The following REPS2 variants were observed in gnomAD, a reference collection of about 807,000 sequenced individuals.
REPS2 encodes RALBP1 associated Eps domain containing 2, also known as ralBP1-associated Eps domain-containing protein 2.
A neutral mutation model predicts 53.6 loss-of-function variants in REPS2; 23 were observed. That is an observed-to-expected ratio of 0.43 (90% CI 0.31 to 0.61). REPS2 has a LOEUF of 0.61. Ranked by LOEUF, REPS2 falls within the 20% of genes least tolerant of loss-of-function variation. REPS2 has a pLI of 0.11. For missense variants in REPS2, 446 were observed against 534.9 expected (o/e 0.83, Z 1.64); for synonymous variants, 238 against 218.6 (o/e 1.09, Z -0.78).
At chrX:17,129,256 G>A (rs2063260448) in intron 14 of REPS2, among the ~76,000 whole-genome samples, 1 of 112,210 alleles carries the variant, frequency 8.9e-6, no homozygotes, top group Admixed American at 9.4e-5. Context: ...ACCTTATTCT[G>A]CTTTCCACAT....
intron 8 of REPS2, 107 bp downstream of exon 8, chrX:17,055,057 A>G (rs1441475913): frequency 1.2e-5 from 9 of 729,590 alleles, no homozygotes; most frequent in East Asian, 7.3e-5. Context: ...CTGGTGTGAG[A>G]TGATATCTCA....
intron 13 of REPS2, among the ~76,000 whole-genome samples, chrX:17,081,113 G>A (rs1438509231): frequency 8.9e-6 from 1 of 112,063 alleles, no homozygotes; most frequent in Non-Finnish European, 1.9e-5. Flanking sequence ...GTGAGATGAA[G>A]CAAGATGTGG....
rs2061167459 is a variant in REPS2 at position 16,991,803 on chromosome X, A to G, written c.274-14418A>G. Among the ~76,000 whole-genome samples, 3 of 111,307 alleles carry G rather than the reference A, an allele frequency of 2.7e-5. No individual in the cohort carries two copies. In the Middle Eastern group the frequency reaches 0.014, roughly 515 times the overall value. On this transcript the variant is annotated intron_variant, in intron 1 of 17. Transcript: ENST00000357277. ...CACAGACACACAGTGGGAACCCCCT[A>G]TGAAGATGAAGATAGAAGCAATGTA...
chrX:17,010,943 A>G (rs2061421648), intron 2 of REPS2, among the ~76,000 whole-genome samples: 1 of 111,910 alleles, frequency 8.9e-6, no homozygotes, highest in African/African-American at 3.3e-5. Context: ...AATTTCATAT[A>G]TCTGCAGTCC....
At chrX:16,960,472 G>C (rs2060646507) in intron 1 of REPS2, among the ~76,000 whole-genome samples, 1 of 112,521 alleles carries the variant, frequency 8.9e-6, no homozygotes, top group South Asian at 3.6e-4. Flanking sequence ...AACAAAATAA[G>C]TTTAAAAGGG....
At chrX:17,176,584 A>G in the REPS2 span, among the ~76,000 whole-genome samples, 1 of 112,274 alleles carries the variant, frequency 8.9e-6, no homozygotes, top group African/African-American at 3.2e-5. Flanking sequence ...TTGAGGCCTT[A>G]CCTTCTTGAT....
chrX:17,026,473 T>C (rs759107219), intron 4 of REPS2, among the ~76,000 whole-genome samples: 2 of 107,524 alleles, frequency 1.9e-5, no homozygotes, highest in South Asian at 8.5e-4. Context: ...TTTTTTTTCC[T>C]ATTTCTAATC....
intron 1 of REPS2, among the ~76,000 whole-genome samples, chrX:16,994,401 A>G (rs746573382): frequency 9.0e-6 from 1 of 110,729 alleles, no homozygotes; most frequent in African/African-American, 3.3e-5. Flanking sequence ...ACATATATAT[A>G]CACACACGTA....
At chrX:16,947,265 G>A in intron 1 of REPS2, 131 bp downstream of exon 1, 1 of 885,287 alleles carries the variant, frequency 1.1e-6, no homozygotes, top group South Asian at 5.4e-5. Context: ...AGAGGACTCT[G>A]CAGCCGGGGA....
intron 14 of REPS2, among the ~76,000 whole-genome samples, chrX:17,133,052 A>G (rs758598545): frequency 8.9e-6 from 1 of 112,345 alleles, no homozygotes; most frequent in Non-Finnish European, 1.9e-5. Flanking sequence ...AGCGCCTTCA[A>G]CTTTCTGTGC....
chrX:17,008,363 A>T (rs1394438575), intron 2 of REPS2, among the ~76,000 whole-genome samples: 2 of 112,356 alleles, frequency 1.8e-5, no homozygotes, highest in Non-Finnish European at 3.8e-5. Flanking sequence ...AGTTAGACCT[A>T]AGTCTTTTAC....
At chrX:17,164,865 A>G in the REPS2 span, among the ~76,000 whole-genome samples, 1 of 112,227 alleles carries the variant, frequency 8.9e-6, no homozygotes, top group East Asian at 2.8e-4. Context: ...TATAAAAACA[A>G]TAGAGAAACC....
rs2061922429 is a variant in REPS2, at chrX:17,047,391, C to T, written c.816C>T (p.Pro272=). Residue 272 remains proline, a synonymous_variant, in exon 6 of 18, where the codon CCC becomes CCT. Transcript: ENST00000357277. The part of the protein sequence containing the change: ...ERELQDNSSY[P]DEPWRITEEQ... ...AACTACAGGATAACAGCAGTTACCC[C>T]GACGAACCCTGGAGGATAACAGAAG... 7 of 1,208,387 alleles carry T rather than the reference C, an allele frequency of 5.8e-6. No individual in the cohort carries two copies. Among genetic ancestry groups the T allele is most frequent in the East Asian group, 3.0e-5 (1 of 33,750 alleles).
chrX:17,061,017 C>A (rs2062151291), intron 8 of REPS2, among the ~76,000 whole-genome samples: 1 of 110,544 alleles, frequency 9.0e-6, no homozygotes, highest in African/African-American at 3.3e-5. Flanking sequence ...AGAGATTTAG[C>A]AGGTAATTGA....
At chrX:17,115,531 T>A (rs1019081965) in intron 14 of REPS2, among the ~76,000 whole-genome samples, 1 of 111,496 alleles carries the variant, frequency 9.0e-6, no homozygotes, top group Non-Finnish European at 1.9e-5. Flanking sequence ...CTTCCTCTTA[T>A]ACTAATCCTC....
intron 13 of REPS2, among the ~76,000 whole-genome samples, chrX:17,079,956 A>G (rs2063929139): frequency 8.9e-6 from 1 of 112,290 alleles, no homozygotes; most frequent in South Asian, 3.7e-4. Flanking sequence ...AATGCATGAA[A>G]TAGAGCTTAA....
At chrX:17,050,484 G>A (rs2061987182) in intron 6 of REPS2, among the ~76,000 whole-genome samples, 1 of 108,922 alleles carries the variant, frequency 9.2e-6, no homozygotes. Context: ...ACAGGAACAT[G>A]CCGTACAGGT....
At chrX:17,022,443 A>T (rs1001094555) in intron 3 of REPS2, 172 bp downstream of exon 3, 1 of 385,636 alleles carries the variant, frequency 2.6e-6, no homozygotes, top group Admixed American at 4.8e-5. Flanking sequence ...ACCGACACAT[A>T]TGAATCACCA....
At chrX:17,055,988 TAAA>T (rs2062064089) in intron 8 of REPS2, among the ~76,000 whole-genome samples, 1 of 104,784 alleles carries the variant, frequency 9.5e-6, no homozygotes, top group Non-Finnish European at 2.0e-5. Flanking sequence ...TAGAGTATAA[TAAA>T]AAAATAAAAA....
Sources: allele counts gnomAD v4.1 joint callset (sites outside exome capture counted in the v4.1 genomes callset), GRCh38; gene constraint gnomAD v4.1.1; transcripts MANE v1.5; gene names NCBI Gene and HGNC (gene_info 2026-07-23, HGNC 2026-07-21).